The following PLXNA4 variants were observed in gnomAD, a reference collection of about 807,000 sequenced individuals.
PLXNA4 encodes the protein plexin-A4.
PLXNA4 carries 44 observed loss-of-function variants against 191.8 expected under a neutral mutation model. The ratio of observed to expected loss-of-function variants is 0.23; its 90% CI spans 0.18 to 0.29. The LOEUF (loss-of-function observed/expected upper bound fraction) is 0.29, where lower values mean the gene tolerates loss of function less well. PLXNA4 is among the 10% of genes least tolerant of loss of function. PLXNA4 has a pLI of 1.00. For missense variants in PLXNA4, 1,800 were observed against 2,488.8 expected (o/e 0.72, Z 5.89); for synonymous variants, 1,082 against 1,009.5 (o/e 1.07, Z -1.36).
At chr7:132,341,397 A>G (rs1205095205) in intron 3 of PLXNA4, among the ~76,000 whole-genome samples, 1 of 152,262 alleles carries the variant, frequency 6.6e-6, no homozygotes, top group Admixed American at 6.5e-5. Context: ...TGTAAGAAGC[A>G]TTCAATTTCA....
intron 2 of PLXNA4, among the ~76,000 whole-genome samples, chr7:132,642,205 G>A (rs910135053): frequency 6.6e-6 from 1 of 151,762 alleles, no homozygotes; most frequent in Non-Finnish European, 1.5e-5. Flanking sequence ...ATACAGAATG[G>A]TTCTATCCAA....
intron 16 of PLXNA4, among the ~76,000 whole-genome samples, chr7:132,183,491 A>G (rs1238898247): frequency 6.6e-6 from 1 of 152,116 alleles, no homozygotes; most frequent in Non-Finnish European, 1.5e-5. Context: ...TCTGTCTCCA[A>G]CCTCCCTCCT....
chr7:132,379,733 C>T (rs1804810659), intron 3 of PLXNA4, among the ~76,000 whole-genome samples: 1 of 152,208 alleles, frequency 6.6e-6, no homozygotes, highest in Non-Finnish European at 1.5e-5. Flanking sequence ...TGCAAACCAC[C>T]AGGGAAGAGC....
chr7:132,504,331 C>A (rs1451767354), intron 2 of PLXNA4, among the ~76,000 whole-genome samples: 1 of 152,212 alleles, frequency 6.6e-6, no homozygotes, highest in Non-Finnish European at 1.5e-5. Context: ...TCCTATCCCC[C>A]AAATGAACAC....
intron 4 of PLXNA4, among the ~76,000 whole-genome samples, chr7:132,249,109 T>C (rs931604157): frequency 1.3e-5 from 2 of 152,236 alleles, no homozygotes; most frequent in Non-Finnish European, 2.9e-5. Context: ...GGCATGAGGC[T>C]TGGGGAGCTG....
chr7:132,448,580 C>T (rs557391468), intron 3 of PLXNA4, among the ~76,000 whole-genome samples: 1 of 152,312 alleles, frequency 6.6e-6, no homozygotes, highest in South Asian at 2.1e-4. Context: ...TTAGTATCCT[C>T]GGAAAAGCAA....
At position 132,228,443 on chromosome 7, in the gene PLXNA4, C is replaced by T. The variant is rs751093699; in HGVS notation, c.1631G>A (p.Arg544Gln). 22 of 1,614,104 alleles carry T rather than the reference C, an allele frequency of 1.4e-5. No homozygotes were observed. The highest frequency in any genetic ancestry group is 1.8e-5 in the Non-Finnish European group (21 of 1,180,024). ...GGCAAACCTGCGGGGCTCCTTGGACCGCTCACACCGCTCCTTCCGGGTGCA... is the reference window on the plus strand; with the variant it reads ...GGCAAACCTGCGGGGCTCCTTGGACTGCTCACACCGCTCCTTCCGGGTGCA... ...NTCTRKERCE[R>Q]SKEPRRFASE... Residue 544 changes from arginine to glutamine, a missense_variant, in exon 6 of 32, where the codon CGG (arginine) becomes CAG (glutamine). Physicochemically the swap from Arg to Gln is conservative, Grantham distance 43. Transcript: ENST00000321063.
At chr7:132,178,295 T>C (rs1201994743) in intron 20 of PLXNA4, among the ~76,000 whole-genome samples, 1 of 151,968 alleles carries the variant, frequency 6.6e-6, no homozygotes, top group Middle Eastern at 3.2e-3. Context: ...GAGGCTGCTC[T>C]AGTGGGGTGA....
chr7:132,324,074 A>C (rs1235388810), intron 3 of PLXNA4, among the ~76,000 whole-genome samples: 4 of 152,168 alleles, frequency 2.6e-5, no homozygotes, highest in African/African-American at 9.7e-5. Context: ...CTATTTACAA[A>C]AATTAGGCTC....
At chr7:132,290,579 C>T (rs767876860) in intron 4 of PLXNA4, among the ~76,000 whole-genome samples, 2 of 152,164 alleles carry the variant, frequency 1.3e-5, no homozygotes, top group Non-Finnish European at 2.9e-5. Flanking sequence ...ACACACCACA[C>T]TCATATACAT....
intron 3 of PLXNA4, among the ~76,000 whole-genome samples, chr7:132,429,164 A>G (rs1156352631): frequency 1.3e-5 from 2 of 152,216 alleles, no homozygotes; most frequent in African/African-American, 4.8e-5. Context: ...AAGATGAGAA[A>G]GACCAAGAGA....
intron 3 of PLXNA4, among the ~76,000 whole-genome samples, chr7:132,329,929 A>C (rs1802524897): frequency 6.6e-6 from 1 of 152,184 alleles, no homozygotes; most frequent in Admixed American, 6.5e-5. Flanking sequence ...TTTTGAGCTT[A>C]GAGAAGCCAG....
rs868824234 is a variant in PLXNA4 at position 132,189,018 on chromosome 7, G to A, written c.2857-1411C>T. 7.8e-4 allele frequency among the ~76,000 whole-genome samples: 62 copies of A among 79,362 alleles called. 1 individual carries two copies. The highest frequency in any genetic ancestry group is 7.8e-3 in the Middle Eastern group (1 of 128). 52.1% of individuals were successfully genotyped at this position (79,362 alleles called of 152,430 possible). On this transcript the variant is annotated intron_variant, in intron 14 of 31. Transcript: ENST00000321063. Reference sequence around the variant, plus strand: ...GGAGAGAGAGAGAGAGAGAGAGAGAGAGAGAGAGAGAAAGAGAGAGAGAGA... The same window carrying A: ...GGAGAGAGAGAGAGAGAGAGAGAGAAAGAGAGAGAGAAAGAGAGAGAGAGA...
At chr7:132,171,869 C>T (rs899137105) in intron 21 of PLXNA4, among the ~76,000 whole-genome samples, 1 of 152,136 alleles carries the variant, frequency 6.6e-6, no homozygotes, top group Non-Finnish European at 1.5e-5. Flanking sequence ...GTTTTATGAA[C>T]ATTAAATAAG....
In PLXNA4 at chr7:132,321,900, C is replaced by T. The variant is rs572029189; in HGVS notation, c.1372-23678G>A. On this transcript the variant is annotated intron_variant, in intron 3 of 31. Coordinates refer to ENST00000321063, the MANE Select transcript of PLXNA4 (RefSeq NM_020911.2). ...GAGGGGGCATAGGAAGTCCTAAACTCCACCCCCAGAAGAAGGTAGAAATTA... is the reference window on the plus strand; with the variant it reads ...GAGGGGGCATAGGAAGTCCTAAACTTCACCCCCAGAAGAAGGTAGAAATTA... 4.1e-4 allele frequency among the ~76,000 whole-genome samples: 63 copies of T among 152,238 alleles called. 1 individual carries two copies. The South Asian group carries it at 0.013, about 32-fold the overall frequency.
At chr7:132,189,283 GT>G (rs1341698644) in intron 14 of PLXNA4, among the ~76,000 whole-genome samples, 1 of 151,966 alleles carries the variant, frequency 6.6e-6, no homozygotes, top group East Asian at 1.9e-4. Flanking sequence ...TTTTAGAGTT[GT>G]GAGAAGCTAT....
chr7:132,263,219 G>T (rs1032641227), intron 4 of PLXNA4, among the ~76,000 whole-genome samples: 1 of 152,202 alleles, frequency 6.6e-6, no homozygotes, highest in African/African-American at 2.4e-5. Context: ...AACTTCTGTG[G>T]AAAGGAACCT....
intron 2 of PLXNA4, among the ~76,000 whole-genome samples, chr7:132,593,774 G>A (rs1802649843): frequency 6.6e-6 from 1 of 152,242 alleles, no homozygotes; most frequent in Admixed American, 6.5e-5. Flanking sequence ...AACAAGTGCT[G>A]CCTGCCATGG....
At chr7:132,621,196 T>G (rs1803253543) in intron 2 of PLXNA4, among the ~76,000 whole-genome samples, 1 of 151,818 alleles carries the variant, frequency 6.6e-6, no homozygotes, top group Admixed American at 6.6e-5. Context: ...ACTTACCTAG[T>G]CCCTAACTGC....
Sources: gnomAD v4.1 joint callset for allele counts (sites outside exome capture counted in the v4.1 genomes callset) on GRCh38, gnomAD v4.1.1 for gene constraint, MANE v1.5 for transcripts, NCBI Gene and HGNC (gene_info 2026-07-23, HGNC 2026-07-21) for gene names.